Variants in SOX30 observed in about 807,000 individuals in gnomAD.
SOX30 encodes the protein SRY-box transcription factor 30.
SOX30 carries 17 observed loss-of-function variants against 58.6 expected under a neutral mutation model. The ratio of observed to expected loss-of-function variants is 0.29; its 90% confidence interval spans 0.20 to 0.44. The LOEUF (loss-of-function observed/expected upper bound fraction) is 0.44, where lower values mean the gene tolerates loss of function less well. Ranked by LOEUF, SOX30 falls within the 20% of genes least tolerant of loss-of-function variation. The pLI is 1.00. For synonymous variants in SOX30, 421 were observed against 400.2 expected, an observed-to-expected ratio of 1.05 and a Z score of -0.62; for missense variants, 951 against 965.8, an observed-to-expected ratio of 0.98 and a Z score of 0.20.
intron 2 of SOX30, among the ~76,000 whole-genome samples, chr5:157,663,593 T>G (rs1336413584): frequency 2.0e-5 from 3 of 152,132 alleles, no homozygotes; most frequent in Non-Finnish European, 4.4e-5. Flanking sequence ...GTGTTGGAAG[T>G]TCTGGCCAGG....
At chr5:157,638,027 G>A (rs1376501897) in intron 4 of SOX30, among the ~76,000 whole-genome samples, 1 of 152,056 alleles carries the variant, frequency 6.6e-6, no homozygotes, top group Non-Finnish European at 1.5e-5. Flanking sequence ...AGCTGGAGCT[G>A]AGTTAGAGCT....
chr5:157,650,039 T>C (rs1431269642), intron 1 of SOX30, among the ~76,000 whole-genome samples: 1 of 152,008 alleles, frequency 6.6e-6, no homozygotes, highest in Non-Finnish European at 1.5e-5. Flanking sequence ...TTTCATAAAA[T>C]AAAATTTAAA....
intron 2 of SOX30, among the ~76,000 whole-genome samples, chr5:157,664,670 C>A (rs139391468): frequency 6.6e-6 from 1 of 152,248 alleles, no homozygotes; most frequent in African/African-American, 2.4e-5. Context: ...AGGCAACCTA[C>A]GGAATGGGAG....
Position 157,651,214 on chromosome 5 carries a change from C to A in SOX30, c.865G>T (p.Val289Phe). 1 of 1,613,688 alleles carries A rather than the reference C, an allele frequency of 6.2e-7. No individual in the cohort carries two copies. The highest frequency in any genetic ancestry group is 1.1e-5 in the South Asian group (1 of 91,038). Residue 289 changes from valine to phenylalanine, a missense_variant, in exon 1 of 5, where the codon GTC becomes TTC. Transcript: ENST00000265007. ...TTAGTAGGCACTGGTGTCAGGGGGA[C>A]CTTGGTCAATCTTATCAGCTCTGAA... Reference protein sequence around the residue: ...PPSELIRLTKVPLTPVPTKMQ... With the variant: ...PPSELIRLTKFPLTPVPTKMQ...
chr5:157,662,891 C>A (rs1338506241), intron 2 of SOX30, among the ~76,000 whole-genome samples: 2 of 152,114 alleles, frequency 1.3e-5, no homozygotes, highest in African/African-American at 4.8e-5. Flanking sequence ...CAAGCAATTG[C>A]CTTCAGAATA....
At chr5:157,654,026 C>G (rs536262721), upstream of SOX30, among the ~76,000 whole-genome samples, 1 of 152,018 alleles carries the variant, frequency 6.6e-6, no homozygotes, top group Admixed American at 6.6e-5. Flanking sequence ...ATTAGTTGGG[C>G]ATGGTGGCAC....
rs775952764 is a variant in SOX30 at position 157,646,776 on chromosome 5, G to A, written c.1248C>T (p.Phe416=). ...YQPRPGKRKR[F]PLSVSNVFSG... ...AAAATACATTGGAAACACTTAGAGG[G>A]AATCGTTTTCGCTTCCCTGGACGAG... Residue 416 remains phenylalanine (F), a synonymous_variant, in exon 3 of 5, where the codon TTC becomes TTT. Transcript: ENST00000265007. 1.2e-6 allele frequency: 2 copies of A among 1,613,928 alleles called. No individual in the cohort carries two copies. The highest frequency in any genetic ancestry group is 2.2e-5 in the South Asian group (2 of 91,042).
rs544566741 is a variant in SOX30, at chr5:157,652,098, G to A, written c.-20C>T. The A allele has an allele frequency of 3.6e-6, 5 of 1,394,816 alleles. No individual in the cohort carries two copies. The East Asian group carries it at 8.5e-5, about 24-fold the overall frequency. 86.4% of individuals were successfully genotyped at this position (1,394,816 alleles called of 1,614,324 possible). ...CTCCATGGGGGAGGGGGACGCCCCG[G>A]CCAGGATTGTGAGCTCAGCCGTTTG... On this transcript the variant is annotated 5_prime_UTR_variant, in exon 1 of 5. Coordinates refer to ENST00000265007, the MANE Select transcript of SOX30 (RefSeq NM_178424.2).
intron 4 of SOX30, among the ~76,000 whole-genome samples, chr5:157,632,710 CAT>C (rs1454687618): frequency 1.3e-5 from 2 of 152,182 alleles, no homozygotes; most frequent in South Asian, 2.1e-4. Context: ...ATGAAAATCA[CAT>C]AGAGCCCTGA....
At chr5:157,630,834 T>G (rs765601742) in intron 4 of SOX30, among the ~76,000 whole-genome samples, 9 of 135,586 alleles carry the variant, frequency 6.6e-5, no homozygotes, top group Non-Finnish European at 1.4e-4. Flanking sequence ...CCCATTTATA[T>G]ATATACATTA....
At chr5:157,632,844 T>C in intron 4 of SOX30, among the ~76,000 whole-genome samples, 1 of 152,046 alleles carries the variant, frequency 6.6e-6, no homozygotes, top group East Asian at 1.9e-4. Flanking sequence ...ATCCCAACAC[T>C]CTGGGAGGCT....
intron 4 of SOX30, among the ~76,000 whole-genome samples, chr5:157,637,048 G>A (rs1472201234): frequency 2.7e-5 from 4 of 149,064 alleles, no homozygotes; most frequent in South Asian, 2.1e-4. Flanking sequence ...CAGGAGAATC[G>A]CTTGAACCCG....
Position 157,626,461 on chromosome 5 carries a change from A to T in SOX30, c.2141T>A (p.Leu714Gln), listed in dbSNP as rs1758657005. The T allele has an allele frequency of 6.2e-7, 1 of 1,614,128 alleles. No individual in the cohort carries two copies. Among genetic ancestry groups the T allele is most frequent in the Admixed American group, 1.7e-5 (1 of 60,002 alleles). Residue 714 changes from leucine to glutamine, a missense_variant, in exon 5 of 5, where the codon CTG becomes CAG. Coordinates refer to ENST00000265007, the MANE Select transcript of SOX30 (RefSeq NM_178424.2). ...GEENLNPVPQ[L>Q]DIGTLENVFT... ...GACATTCTCCAAGGTTCCAATGTCCAGCTGAGGCACAGGGTTTAAGTTTTC... is the reference window on the plus strand; with the variant it reads ...GACATTCTCCAAGGTTCCAATGTCCTGCTGAGGCACAGGGTTTAAGTTTTC...
chr5:157,659,339 C>T (rs764489288), intron 2 of SOX30, among the ~76,000 whole-genome samples: 39 of 152,298 alleles, frequency 2.6e-4, no homozygotes, highest in Admixed American at 1.3e-4. Context: ...CCAGTAAGTG[C>T]TAGGATCCTG....
intron 4 of SOX30, among the ~76,000 whole-genome samples, chr5:157,626,940 A>G (rs936820821): frequency 1.1e-4 from 17 of 152,220 alleles, no homozygotes; most frequent in African/African-American, 4.1e-4. Context: ...ACTATTATCT[A>G]TCGTTAGCCT....
intron 1 of SOX30, among the ~76,000 whole-genome samples, chr5:157,649,721 TGGA>T (rs1002803067): frequency 5.8e-4 from 88 of 151,988 alleles, no homozygotes; most frequent in African/African-American, 2.0e-3. Context: ...ACCCAGGAGG[TGGA>T]GGTTGCAGCG....
intron 4 of SOX30, among the ~76,000 whole-genome samples, chr5:157,635,996 T>C (rs1465059227): frequency 6.6e-6 from 1 of 152,220 alleles, no homozygotes; most frequent in African/African-American, 2.4e-5. Context: ...CTGTACAACC[T>C]TGATGAGGCT....
intron 1 of SOX30, among the ~76,000 whole-genome samples, chr5:157,669,675 CCTGA>C (rs945078696): frequency 5.2e-4 from 79 of 151,766 alleles, no homozygotes; most frequent in African/African-American, 1.8e-3. Flanking sequence ...CGCTACCACG[CCTGA>C]CTAATTTTTT....
chr5:157,651,535 C>T lies in SOX30; in HGVS notation c.544G>A (p.Glu182Lys), dbSNP rs778806190. 9.9e-6 allele frequency: 16 copies of T among 1,613,372 alleles called. No homozygotes were observed. The highest frequency in any genetic ancestry group is 1.6e-4 in the Middle Eastern group (1 of 6,062). The change falls in exon 1 of 5, where the codon GAG (glutamate) becomes AAG (lysine). Residue 182 changes from glutamate (E) to lysine (K), a missense_variant. Around this residue, in one of 7 missense-constraint regions of SOX30, gnomAD observed 363 missense variants for 294.5 expected, o/e 1.23. Transcript: ENST00000265007. ...TCCTCCGCCTCCAGCTTGCCCTTCTCGTCCCCTCGGAAGTAGCCGAGGGCC... is the reference window on the plus strand; with the variant it reads ...TCCTCCGCCTCCAGCTTGCCCTTCTTGTCCCCTCGGAAGTAGCCGAGGGCC... Reference protein sequence around the residue: ...GPALGYFRGDEKGKLEAEEVM... With the variant: ...GPALGYFRGDKKGKLEAEEVM...
Sources: allele counts gnomAD v4.1 joint callset (sites outside exome capture counted in the v4.1 genomes callset), GRCh38; gene constraint gnomAD v4.1.1; regional missense constraint gnomAD v4.1.1; transcripts MANE v1.5; gene names NCBI Gene and HGNC (gene_info 2026-07-23, HGNC 2026-07-21).